The following RBFOX1 variants were observed in gnomAD, a reference collection of about 807,000 sequenced individuals.
The protein encoded by RBFOX1 is RNA binding protein fox-1 homolog 1.
Under a neutral mutation model 57.7 loss-of-function variants are expected in RBFOX1, and 8 were observed. The observed-to-expected ratio is 0.14, with a 90% CI of 0.08 to 0.25. The LOEUF (loss-of-function observed/expected upper bound fraction) is 0.25, where lower values mean the gene tolerates loss of function less well. RBFOX1 is among the 10% of genes least tolerant of loss of function. The pLI is 1.00. For missense variants in RBFOX1, 611 were observed against 548.5 expected, an observed-to-expected ratio of 1.11 and a Z score of -1.14; for synonymous variants, 326 against 222.4, an observed-to-expected ratio of 1.47 and a Z score of -4.15.
At chr16:7,532,871 T>A (rs1464397200) in intron 5 of RBFOX1, among the ~76,000 whole-genome samples, 1 of 152,214 alleles carries the variant, frequency 6.6e-6, no homozygotes, top group Non-Finnish European at 1.5e-5. Flanking sequence ...AGAAAAAGTT[T>A]GGCAACCCCC....
chr16:7,350,742 AG>A (rs1463567669), intron 4 of RBFOX1, among the ~76,000 whole-genome samples: 1 of 152,102 alleles, frequency 6.6e-6, no homozygotes, highest in Non-Finnish European at 1.5e-5. Context: ...CCCTAAAAAG[AG>A]GGCCCGTTTC....
At chr16:6,855,878 C>G (rs970725956) in intron 3 of RBFOX1, among the ~76,000 whole-genome samples, 23 of 151,152 alleles carry the variant, frequency 1.5e-4, no homozygotes, top group Non-Finnish European at 3.4e-4. Flanking sequence ...CTGCTTTCTT[C>G]CCTCCTTGTC....
rs34985847 is a variant in RBFOX1 at position 6,715,266 on chromosome 16, GTT to G, written c.-16+60627_-16+60628del. 1.5e-3 allele frequency among the ~76,000 whole-genome samples: 229 copies of G among 149,916 alleles called. 1 individual carries two copies. In the Middle Eastern group the frequency reaches 0.024, roughly 16 times the overall value. ...AGGCAATGCAGGATAAAGTTTTAAA[GTT>G]TTTTTTTTTTCTTTTTTTAACCCTG... On this transcript the variant is annotated intron_variant, in intron 3 of 15. Transcript: ENST00000550418.
At chr16:5,380,410 C>G (rs2066102100) in intron 1 of RBFOX1, among the ~76,000 whole-genome samples, 2 of 152,210 alleles carry the variant, frequency 1.3e-5, no homozygotes, top group South Asian at 2.1e-4. Flanking sequence ...CTCAGCTGAA[C>G]TCTAAAGCAA....
At chr16:5,490,948 G>A (rs964027886) in intron 2 of RBFOX1, among the ~76,000 whole-genome samples, 1 of 152,088 alleles carries the variant, frequency 6.6e-6, no homozygotes, top group Non-Finnish European at 1.5e-5. Context: ...CGCAAACCTA[G>A]ATAATGTATA....
intron 3 of RBFOX1, among the ~76,000 whole-genome samples, chr16:6,842,152 T>TA (rs1165795447): frequency 2.3e-5 from 3 of 129,082 alleles, no homozygotes; most frequent in South Asian, 2.3e-4. Flanking sequence ...GAAAAAAAAA[T>TA]AAAAAATAAA....
intron 2 of RBFOX1, among the ~76,000 whole-genome samples, chr16:6,461,363 A>G (rs1409060089): frequency 2.0e-5 from 3 of 152,184 alleles, no homozygotes; most frequent in Non-Finnish European, 2.9e-5. Flanking sequence ...CCTTATCTCC[A>G]AATAAGGGCA....
intron 2 of RBFOX1, among the ~76,000 whole-genome samples, chr16:6,430,482 AG>A (rs2094048234): frequency 6.6e-6 from 1 of 152,214 alleles, no homozygotes; most frequent in Admixed American, 6.5e-5. Flanking sequence ...GGTGTTTTCT[AG>A]GCAAACTCAA....
chr16:6,163,582 T>C (rs1407391058), intron 1 of RBFOX1, among the ~76,000 whole-genome samples: 2 of 152,204 alleles, frequency 1.3e-5, no homozygotes, highest in South Asian at 2.1e-4. Flanking sequence ...TTCATGCAAA[T>C]GTTGGGTGTT....
At chr16:7,218,863 A>G (rs1278018925) in intron 4 of RBFOX1, among the ~76,000 whole-genome samples, 2 of 149,842 alleles carry the variant, frequency 1.3e-5, no homozygotes, top group East Asian at 3.9e-4. Context: ...CACCTGACTC[A>G]CCCCTCCAGC....
chr16:7,686,597 C>G (rs2076119350), intron 14 of RBFOX1, among the ~76,000 whole-genome samples: 3 of 152,094 alleles, frequency 2.0e-5, no homozygotes, highest in African/African-American at 7.2e-5. Flanking sequence ...GCCAATTTTT[C>G]TACCAATAAA....
At chr16:6,429,938 CT>C (rs1482982911) in intron 2 of RBFOX1, among the ~76,000 whole-genome samples, 1 of 151,870 alleles carries the variant, frequency 6.6e-6, no homozygotes, top group Non-Finnish European at 1.5e-5. Context: ...GTGAAACCCC[CT>C]CTCTACTAAA....
At chr16:5,892,105 A>G (rs1193892977) in intron 4 of RBFOX1, among the ~76,000 whole-genome samples, 1 of 152,196 alleles carries the variant, frequency 6.6e-6, no homozygotes, top group Non-Finnish European at 1.5e-5. Context: ...CGGCACTTAT[A>G]TTCTAGCAGG....
rs140638423 is a variant in RBFOX1 at position 6,225,305 on chromosome 16, A to C, written c.-126-91690A>C. On this transcript the variant is annotated intron_variant, in intron 1 of 15. Coordinates refer to ENST00000550418, the MANE Select transcript of RBFOX1 (RefSeq NM_018723.4). ...AAAGCTGCAGGGTTTGATGTTTAGC[A>C]GGAAAGCATTGCTATAACTTGCGTA... Among the ~76,000 whole-genome samples, 417 of 152,282 alleles carry C rather than the reference A, an allele frequency of 2.7e-3. 4 individuals carry two copies. Among genetic ancestry groups the C allele is most frequent in the South Asian group, 0.025 (120 of 4,828 alleles).
At chr16:6,339,566 C>T (rs1276995115) in intron 2 of RBFOX1, among the ~76,000 whole-genome samples, 1 of 152,162 alleles carries the variant, frequency 6.6e-6, no homozygotes, top group Non-Finnish European at 1.5e-5. Context: ...TTCTGTTCCT[C>T]TCTGGGAGGT....
At chr16:7,526,563 C>T (rs186650626) in intron 5 of RBFOX1, among the ~76,000 whole-genome samples, 36 of 152,182 alleles carry the variant, frequency 2.4e-4, no homozygotes, top group Non-Finnish European at 1.0e-4. Flanking sequence ...CAACAGAGTT[C>T]TTTTCCTTTG....
At chr16:6,762,514 C>T (rs141341806) in intron 3 of RBFOX1, among the ~76,000 whole-genome samples, 1 of 152,060 alleles carries the variant, frequency 6.6e-6, no homozygotes, top group South Asian at 2.1e-4. Flanking sequence ...CAGTGTTACC[C>T]CTTTACAAGG....
intron 3 of RBFOX1, among the ~76,000 whole-genome samples, chr16:6,916,150 A>G (rs1287569281): frequency 6.6e-6 from 1 of 152,180 alleles, no homozygotes; most frequent in Non-Finnish European, 1.5e-5. Flanking sequence ...AGAGGCAAGA[A>G]TGATCAAAGT....
chr16:7,643,711 C>T (rs2063235225), intron 11 of RBFOX1, among the ~76,000 whole-genome samples: 1 of 152,160 alleles, frequency 6.6e-6, no homozygotes, highest in African/African-American at 2.4e-5. Flanking sequence ...ACCCTAGTGG[C>T]AAAGGGAAAC....
Sources: allele counts gnomAD v4.1 joint callset (sites outside exome capture counted in the v4.1 genomes callset), GRCh38; gene constraint gnomAD v4.1.1; transcripts MANE v1.5; gene names NCBI Gene and HGNC (gene_info 2026-07-23, HGNC 2026-07-21).